The following CNTN4 variants were observed in gnomAD, a reference collection of about 807,000 sequenced individuals.
CNTN4 encodes the protein contactin-4.
In CNTN4, 77 loss-of-function variants were observed where a neutral mutation model predicts 122.5. That is an observed-to-expected ratio of 0.63 (90% CI 0.52 to 0.76). CNTN4 has a LOEUF of 0.76. CNTN4 is among the 30% of genes least tolerant of loss of function. CNTN4 has a pLI of 0.00. For synonymous variants in CNTN4, 512 were observed against 447.0 expected, an observed-to-expected ratio of 1.15 and a Z score of -1.83; for missense variants, 1,256 against 1,259.1, an observed-to-expected ratio of 1.00 and a Z score of 0.04.
chr3:2,438,535 C>A (rs1305398548), intron 3 of CNTN4, among the ~76,000 whole-genome samples: 2 of 151,630 alleles, frequency 1.3e-5, no homozygotes, highest in Non-Finnish European at 2.9e-5. Flanking sequence ...ACAACCCCCC[C>A]AAAAAAAACC....
intron 2 of CNTN4, among the ~76,000 whole-genome samples, chr3:2,105,191 C>T (rs2125101952): frequency 6.6e-6 from 1 of 152,244 alleles, no homozygotes; most frequent in Middle Eastern, 3.4e-3. Context: ...CCTGCCACTG[C>T]TGCAGCTGTC....
intron 2 of CNTN4, among the ~76,000 whole-genome samples, chr3:2,117,391 G>T (rs567132616): frequency 6.6e-6 from 1 of 152,328 alleles, no homozygotes; most frequent in South Asian, 2.1e-4. Flanking sequence ...GGAACCTTTT[G>T]TGTTAAGCTG....
At chr3:2,478,813 T>A (rs1419543137) in intron 3 of CNTN4, among the ~76,000 whole-genome samples, 1 of 152,214 alleles carries the variant, frequency 6.6e-6, no homozygotes, top group African/African-American at 2.4e-5. Flanking sequence ...TATACCACAT[T>A]TTCTTTCTCT....
At chr3:3,041,478 C>G (rs1700158845) in intron 20 of CNTN4, among the ~76,000 whole-genome samples, 1 of 152,206 alleles carries the variant, frequency 6.6e-6, no homozygotes, top group South Asian at 2.1e-4. Context: ...CTGGATGACA[C>G]TTCAGGTTCA....
intron 4 of CNTN4, among the ~76,000 whole-genome samples, chr3:2,629,088 C>G (rs757393311): frequency 6.6e-6 from 1 of 152,104 alleles, no homozygotes; most frequent in Non-Finnish European, 1.5e-5. Flanking sequence ...TGAATGTCCC[C>G]CCTCAAATTG....
At chr3:2,283,677 C>G (rs2041804131) in intron 2 of CNTN4, among the ~76,000 whole-genome samples, 1 of 152,082 alleles carries the variant, frequency 6.6e-6, no homozygotes, top group South Asian at 2.1e-4. Context: ...GCAGTAAGAA[C>G]TTTCATCTAA....
chr3:2,882,828 G>T, intron 8 of CNTN4: 1 of 288,320 alleles, frequency 3.5e-6, no homozygotes, highest in Non-Finnish European at 6.7e-6. Flanking sequence ...TAATTTTCCT[G>T]ATGACTAGCA....
At chr3:2,479,543 A>C (rs563288901) in intron 3 of CNTN4, among the ~76,000 whole-genome samples, 81 of 152,318 alleles carry the variant, frequency 5.3e-4, no homozygotes, top group Non-Finnish European at 9.1e-4. Flanking sequence ...GTATAACCTT[A>C]TAAGGGGGAT....
At chr3:2,110,897 T>C (rs1197471788) in intron 2 of CNTN4, among the ~76,000 whole-genome samples, 3 of 152,348 alleles carry the variant, frequency 2.0e-5, no homozygotes, top group South Asian at 2.1e-4. Context: ...TTGTGACATG[T>C]ATTTGTGATA....
intron 14 of CNTN4, among the ~76,000 whole-genome samples, chr3:3,007,869 G>A (rs1696812982): frequency 6.6e-6 from 1 of 152,156 alleles, no homozygotes. Flanking sequence ...GCTGCAGATA[G>A]GCTGGAACAA....
chr3:2,344,173 A>G (rs550506414), intron 3 of CNTN4, among the ~76,000 whole-genome samples: 25 of 152,258 alleles, frequency 1.6e-4, no homozygotes, highest in African/African-American at 5.8e-4. Context: ...CATCCAAACT[A>G]TATCAGTGAT....
chr3:2,221,713 C>G (rs920349703), intron 2 of CNTN4, among the ~76,000 whole-genome samples: 1 of 151,828 alleles, frequency 6.6e-6, no homozygotes, highest in Non-Finnish European at 1.5e-5. Context: ...GAATAATAAC[C>G]AAGTTAAAAC....
chr3:2,677,900 C>T (rs1003193719), intron 4 of CNTN4, among the ~76,000 whole-genome samples: 23 of 152,204 alleles, frequency 1.5e-4, no homozygotes, highest in Middle Eastern at 3.4e-3. Context: ...TTTTACACTA[C>T]GGAAATGTAA....
At chr3:2,306,308 T>C (rs954476009) in intron 2 of CNTN4, among the ~76,000 whole-genome samples, 1 of 152,144 alleles carries the variant, frequency 6.6e-6, no homozygotes, top group Admixed American at 6.5e-5. Context: ...TGTTGCTAGA[T>C]TTGTGGTTGC....
intron 4 of CNTN4, among the ~76,000 whole-genome samples, chr3:2,684,303 T>C (rs1473105111): frequency 2.0e-5 from 3 of 152,088 alleles, no homozygotes; most frequent in African/African-American, 7.2e-5. Flanking sequence ...GGGAGCAGAA[T>C]AGGCCAGCCT....
intron 2 of CNTN4, among the ~76,000 whole-genome samples, chr3:2,202,402 T>C (rs957972777): frequency 4.6e-5 from 7 of 152,204 alleles, no homozygotes; most frequent in Non-Finnish European, 8.8e-5. Flanking sequence ...TAACTAGCTG[T>C]GTAGACTTGG....
At chr3:2,468,096 A>T (rs561061065) in intron 3 of CNTN4, among the ~76,000 whole-genome samples, 1 of 152,306 alleles carries the variant, frequency 6.6e-6, no homozygotes, top group Non-Finnish European at 1.5e-5. Flanking sequence ...TTGTTAAGAA[A>T]CCAGAGCACA....
At chr3:2,805,453 C>A (rs2092443608) in intron 6 of CNTN4, among the ~76,000 whole-genome samples, 1 of 152,184 alleles carries the variant, frequency 6.6e-6, no homozygotes, top group African/African-American at 2.4e-5. Context: ...GGCCAGTGCT[C>A]TGACATGGAA....
intron 3 of CNTN4, among the ~76,000 whole-genome samples, chr3:2,413,905 G>T (rs1006788388): frequency 5.9e-5 from 9 of 152,156 alleles, no homozygotes; most frequent in African/African-American, 2.2e-4. Context: ...AGCTGTAAGT[G>T]TGGATTCTTT....
Sources: gnomAD v4.1 joint callset for allele counts (sites outside exome capture counted in the v4.1 genomes callset) on GRCh38, gnomAD v4.1.1 for gene constraint, MANE v1.5 for transcripts, NCBI Gene and HGNC (gene_info 2026-07-23, HGNC 2026-07-21) for gene names.